The following LSAMP variants were observed in gnomAD, a reference collection of about 807,000 sequenced individuals.
LSAMP encodes the protein limbic system-associated membrane protein.
In LSAMP, 7 loss-of-function variants were observed where a neutral mutation model predicts 38.6. The observed-to-expected ratio is 0.18, with a 90% confidence interval of 0.10 to 0.34. The LOEUF is 0.34. Ranked by LOEUF, LSAMP falls within the 10% of genes least tolerant of loss-of-function variation. The pLI is 1.00. For synonymous variants in LSAMP, 154 were observed against 166.8 expected (o/e 0.92, Z 0.59); for missense variants, 313 against 420.0 (o/e 0.75, Z 2.23).
At chr3:116,215,090 G>A (rs545819225) in intron 1 of LSAMP, among the ~76,000 whole-genome samples, 3 of 152,154 alleles carry the variant, frequency 2.0e-5, no homozygotes, top group South Asian at 2.1e-4. Flanking sequence ...CATTGCGGAC[G>A]GATGGACCAA....
At chr3:115,931,791 T>C (rs1937584726) in intron 3 of LSAMP, among the ~76,000 whole-genome samples, 1 of 152,216 alleles carries the variant, frequency 6.6e-6, no homozygotes, top group Non-Finnish European at 1.5e-5. Context: ...GTTACTTTTC[T>C]AAGTTTATTG....
intron 1 of LSAMP, among the ~76,000 whole-genome samples, chr3:116,181,750 A>G (rs9864778): frequency 0.5 from 75,853 of 151,754 alleles, 21,449 homozygotes; most frequent in East Asian, 0.74. Flanking sequence ...CCACACTCCC[A>G]TCTTCATTGC....
intron 3 of LSAMP, among the ~76,000 whole-genome samples, chr3:115,854,275 TA>T (rs1244649749): frequency 1.2e-3 from 150 of 120,170 alleles, no homozygotes; most frequent in Middle Eastern, 4.3e-3. Context: ...TTATTATTAT[TA>T]TTATTATTTT....
chr3:115,974,777 G>GT (rs540685823), intron 3 of LSAMP, among the ~76,000 whole-genome samples: 55 of 151,960 alleles, frequency 3.6e-4, no homozygotes, highest in African/African-American at 1.3e-3. Context: ...ACAGTGTGGA[G>GT]TTTTTTGAAA....
At chr3:116,335,847 A>G (rs1472087046) in intron 1 of LSAMP, among the ~76,000 whole-genome samples, 2 of 152,092 alleles carry the variant, frequency 1.3e-5, no homozygotes, top group African/African-American at 4.8e-5. Flanking sequence ...TGAAAGCGAA[A>G]AACACAATGG....
intron 1 of LSAMP, among the ~76,000 whole-genome samples, chr3:116,440,574 A>C (rs1246951242): frequency 1.3e-5 from 2 of 152,188 alleles, no homozygotes; most frequent in Non-Finnish European, 2.9e-5. Flanking sequence ...TTTTCTTGCG[A>C]GATTTGCCCA....
Position 116,322,590 on chromosome 3 carries a change from G to A in LSAMP, c.155+122287C>T, listed in dbSNP as rs575868224. 2.6e-5 allele frequency among the ~76,000 whole-genome samples: 4 copies of A among 152,152 alleles called. No individual in the cohort carries two copies. The South Asian group carries it at 8.3e-4, about 32-fold the overall frequency. On this transcript the variant is annotated intron_variant, in intron 1 of 6. Transcript: ENST00000490035. ...CATTTTGTTTACCCAGAAGATTCAG[G>A]TCTCACATATTTGGGCAGGCAATTT...
At chr3:116,053,376 A>C (rs2107736325) in intron 2 of LSAMP, among the ~76,000 whole-genome samples, 1 of 152,336 alleles carries the variant, frequency 6.6e-6, no homozygotes, top group South Asian at 2.1e-4. Flanking sequence ...CAATCCAGGA[A>C]GTGAGACAGG....
At chr3:116,322,185 T>C (rs1267730697) in intron 1 of LSAMP, among the ~76,000 whole-genome samples, 1 of 152,178 alleles carries the variant, frequency 6.6e-6, no homozygotes, top group Admixed American at 6.5e-5. Context: ...CTTAGACACA[T>C]CTGAGAGATT....
intron 1 of LSAMP, among the ~76,000 whole-genome samples, chr3:116,228,909 A>G (rs1319389488): frequency 2.0e-5 from 3 of 152,116 alleles, no homozygotes. Flanking sequence ...TGATAACTTC[A>G]GGAACCACTT....
chr3:116,343,847 G>A (rs918145600), intron 1 of LSAMP, among the ~76,000 whole-genome samples: 2 of 151,960 alleles, frequency 1.3e-5, no homozygotes, highest in Admixed American at 6.6e-5. Flanking sequence ...TCCAGATAGG[G>A]TAACCATATG....
intron 3 of LSAMP, among the ~76,000 whole-genome samples, chr3:116,005,321 T>C (rs1940124866): frequency 6.6e-6 from 1 of 152,146 alleles, no homozygotes; most frequent in Non-Finnish European, 1.5e-5. Context: ...CCTATCTCCA[T>C]ATGAGGACTG....
At chr3:116,068,441 TA>T (rs139620391) in intron 2 of LSAMP, among the ~76,000 whole-genome samples, 85 of 149,918 alleles carry the variant, frequency 5.7e-4, no homozygotes, top group Middle Eastern at 3.4e-3. Context: ...GGATATGTGG[TA>T]AAAAAAAAAT....
At chr3:116,152,990 G>A (rs1461111) in intron 1 of LSAMP, among the ~76,000 whole-genome samples, 151,012 of 152,174 alleles carry the variant, frequency 0.99, 74,940 homozygotes, top group Middle Eastern at 1. Context: ...TACTCAAAAG[G>A]AGATTAGAAT....
chr3:116,407,214 C>T (rs1292191581), intron 1 of LSAMP, among the ~76,000 whole-genome samples: 1 of 152,006 alleles, frequency 6.6e-6, no homozygotes, highest in African/African-American at 2.4e-5. Context: ...TGTCTATACC[C>T]TATAATATAT....
At chr3:115,953,223 G>C (rs765159013) in intron 3 of LSAMP, among the ~76,000 whole-genome samples, 6 of 151,896 alleles carry the variant, frequency 4.0e-5, no homozygotes, top group Non-Finnish European at 4.4e-5. Context: ...TTTTATTTTT[G>C]CTGATACAGT....
At chr3:115,991,438 G>T (rs1681452628) in intron 3 of LSAMP, among the ~76,000 whole-genome samples, 1 of 151,982 alleles carries the variant, frequency 6.6e-6, no homozygotes, top group Non-Finnish European at 1.5e-5. Flanking sequence ...ATATACATGT[G>T]CATGCCTGTG....
chr3:115,906,803 A>G (rs557901283), intron 3 of LSAMP, among the ~76,000 whole-genome samples: 1 of 152,246 alleles, frequency 6.6e-6, no homozygotes, highest in Non-Finnish European at 1.5e-5. Context: ...CAGGGAAAAG[A>G]TGTGGTCCAC....
intron 1 of LSAMP, among the ~76,000 whole-genome samples, chr3:116,228,814 T>C (rs2046369528): frequency 6.6e-6 from 1 of 152,128 alleles, no homozygotes; most frequent in Non-Finnish European, 1.5e-5. Context: ...ATCCCCTCTG[T>C]ACTCATTGAG....
Sources: allele counts gnomAD v4.1 joint callset (sites outside exome capture counted in the v4.1 genomes callset), GRCh38; gene constraint gnomAD v4.1.1; transcripts MANE v1.5; gene names NCBI Gene and HGNC (gene_info 2026-07-23, HGNC 2026-07-21).